The following SLC8A3 variants were observed in gnomAD, a reference collection of about 807,000 sequenced individuals.
SLC8A3 encodes the protein sodium/calcium exchanger 3.
Under a neutral mutation model 65.4 loss-of-function variants are expected in SLC8A3, and 37 were observed. The observed-to-expected ratio is 0.57, with a 90% CI of 0.44 to 0.74. The LOEUF (loss-of-function observed/expected upper bound fraction) is 0.74. Among genes scored for constraint, SLC8A3 ranks in the 30% least tolerant of loss-of-function variants. SLC8A3 has a pLI of 0.00. For missense variants in SLC8A3, 1,112 were observed against 1,172.1 expected, an observed-to-expected ratio of 0.95 and a Z score of 0.75; for synonymous variants, 461 against 444.5, an observed-to-expected ratio of 1.04 and a Z score of -0.47.
chr14:70,074,491 C>T (rs1224093213), intron 2 of SLC8A3, among the ~76,000 whole-genome samples: 2 of 152,180 alleles, frequency 1.3e-5, no homozygotes, highest in Non-Finnish European at 2.9e-5. Context: ...ACCTAGTGAC[C>T]TTGGGAGGAA....
chr14:70,107,350 C>A (rs1361979600), intron 2 of SLC8A3, among the ~76,000 whole-genome samples: 1 of 152,076 alleles, frequency 6.6e-6, no homozygotes, highest in Non-Finnish European at 1.5e-5. Flanking sequence ...TATCAGAATC[C>A]TTGAACAGAA....
chr14:70,184,929 TAAG>T (rs1883058343), intron 1 of SLC8A3, among the ~76,000 whole-genome samples: 1 of 152,084 alleles, frequency 6.6e-6, no homozygotes, highest in Non-Finnish European at 1.5e-5. Context: ...CAACCAGGCT[TAAG>T]TGAAGGGGGT....
chr14:70,168,415 C>T lies in SLC8A3; in HGVS notation c.8G>A (p.Trp3Ter), dbSNP rs1308001651. The stretch of plus-strand genomic sequence containing the variant: ...AGAGGTGAGAGGCTGCAACCTTAAC[C>T]ACGCCATACACGAGACTTAGCCACT... MA[W>*]LRLQPLTSAF... is the part of the protein sequence containing the mutation. The change falls in exon 2 of 7, where the codon TGG becomes TAG. Residue 3 changes from tryptophan (W) to a stop codon, truncating the protein, a stop_gained. Transcript: ENST00000356921. LOFTEE classifies it high-confidence loss of function. 3 of 1,611,954 alleles carry T rather than the reference C, an allele frequency of 1.9e-6. No homozygotes were observed. Among genetic ancestry groups the T allele is most frequent in the Non-Finnish European group, 2.5e-6 (3 of 1,179,012 alleles).
intron 1 of SLC8A3, among the ~76,000 whole-genome samples, chr14:70,173,566 C>T (rs1441613788): frequency 1.3e-5 from 2 of 152,196 alleles, no homozygotes; most frequent in African/African-American, 4.8e-5. Flanking sequence ...GCAAATTCTC[C>T]CTCCTGCTAT....
At chr14:70,089,462 G>A (rs1039391018) in intron 2 of SLC8A3, among the ~76,000 whole-genome samples, 6 of 152,216 alleles carry the variant, frequency 3.9e-5, no homozygotes, top group Admixed American at 2.0e-4. Context: ...GTAAGACAAA[G>A]TAAAAGATAA....
chr14:70,186,810 C>G (rs1403151457), intron 1 of SLC8A3, among the ~76,000 whole-genome samples: 1 of 152,130 alleles, frequency 6.6e-6, no homozygotes, highest in African/African-American at 2.4e-5. Context: ...TTGGATCCAG[C>G]CAGTGACGCC....
chr14:70,088,758 G>A (rs1163182836), intron 2 of SLC8A3, among the ~76,000 whole-genome samples: 1 of 152,060 alleles, frequency 6.6e-6, no homozygotes, highest in African/African-American at 2.4e-5. Flanking sequence ...CTTTACCAAA[G>A]CTTCTTCTCC....
intron 2 of SLC8A3, among the ~76,000 whole-genome samples, chr14:70,111,668 CA>C (rs1893312360): frequency 6.6e-6 from 1 of 152,170 alleles, no homozygotes; most frequent in African/African-American, 2.4e-5. Flanking sequence ...TGTCAGTTTC[CA>C]CATTTGTCAA....
At chr14:70,067,677 C>T (rs1399893559) in intron 2 of SLC8A3, among the ~76,000 whole-genome samples, 2 of 152,124 alleles carry the variant, frequency 1.3e-5, no homozygotes, top group Non-Finnish European at 2.9e-5. Context: ...ATGGAATGCC[C>T]GAGGATTTTC....
intron 2 of SLC8A3, among the ~76,000 whole-genome samples, chr14:70,076,287 A>G (rs951160911): frequency 2.0e-5 from 3 of 151,958 alleles, no homozygotes; most frequent in African/African-American, 7.3e-5. Context: ...ACTCTCCATC[A>G]TATCTGTTTC....
chr14:70,100,137 A>C (rs1892466605), intron 2 of SLC8A3, among the ~76,000 whole-genome samples: 1 of 152,232 alleles, frequency 6.6e-6, no homozygotes, highest in Non-Finnish European at 1.5e-5. Flanking sequence ...AAAGCCCTGA[A>C]GAAACACTAG....
intron 2 of SLC8A3, among the ~76,000 whole-genome samples, chr14:70,089,631 C>T (rs1186148769): frequency 1.3e-5 from 2 of 152,156 alleles, no homozygotes; most frequent in African/African-American, 2.4e-5. Flanking sequence ...AGCCAGGAAA[C>T]ACAGATTTGG....
chr14:70,142,344 TG>T (rs1480217710), intron 2 of SLC8A3, among the ~76,000 whole-genome samples: 1 of 152,190 alleles, frequency 6.6e-6, no homozygotes, highest in African/African-American at 2.4e-5. Context: ...GAAAGCAGGA[TG>T]TGGGGTGAGG....
At chr14:70,161,957 C>T (rs1037142478) in intron 2 of SLC8A3, among the ~76,000 whole-genome samples, 2 of 152,174 alleles carry the variant, frequency 1.3e-5, no homozygotes, top group African/African-American at 4.8e-5. Flanking sequence ...TGAAGTTCAC[C>T]AGCACTGCCT....
At chr14:70,115,797 T>C (rs1262804265) in intron 2 of SLC8A3, among the ~76,000 whole-genome samples, 3 of 152,162 alleles carry the variant, frequency 2.0e-5, no homozygotes, top group African/African-American at 7.2e-5. Context: ...AGTTACCAAA[T>C]CTTTCTAGGC....
At chr14:70,116,411 C>T (rs1285008662) in intron 2 of SLC8A3, among the ~76,000 whole-genome samples, 1 of 151,782 alleles carries the variant, frequency 6.6e-6, no homozygotes, top group Non-Finnish European at 1.5e-5. Flanking sequence ...TGGAGCCCAG[C>T]AGGAAGCACA....
chr14:70,129,127 C>A (rs1594723148), intron 2 of SLC8A3, among the ~76,000 whole-genome samples: 1 of 152,308 alleles, frequency 6.6e-6, no homozygotes, highest in South Asian at 2.1e-4. Context: ...CCTCTATACC[C>A]AAGCCCATCT....
intron 2 of SLC8A3, among the ~76,000 whole-genome samples, chr14:70,163,633 T>C (rs1897009397): frequency 6.6e-6 from 1 of 152,228 alleles, no homozygotes; most frequent in Non-Finnish European, 1.5e-5. Flanking sequence ...TCTTGCTAAA[T>C]TGGCGTTGAA....
At chr14:70,153,222 CTCATTCAT>C (rs1383133127) in intron 2 of SLC8A3, among the ~76,000 whole-genome samples, 1 of 152,048 alleles carries the variant, frequency 6.6e-6, no homozygotes, top group Non-Finnish European at 1.5e-5. Context: ...CAGGAATTCA[CTCATTCAT>C]TCATTCATTC....
Sources: allele counts gnomAD v4.1 joint callset (sites outside exome capture counted in the v4.1 genomes callset), GRCh38; gene constraint gnomAD v4.1.1; transcripts MANE v1.5; gene names NCBI Gene and HGNC (gene_info 2026-07-23, HGNC 2026-07-21).